CLYBL: variants seen among roughly 807,000 people sequenced by gnomAD.
CLYBL encodes citramalyl-CoA lyase, mitochondrial.
Under a neutral mutation model 38.9 loss-of-function variants are expected in CLYBL, and 31 were observed. The ratio of observed to expected loss-of-function variants is 0.80; its 90% CI spans 0.60 to 1.08. The LOEUF is 1.08. Among genes scored for constraint, CLYBL ranks in the 50% least tolerant of loss-of-function variants. The pLI, the probability that CLYBL is intolerant of heterozygous loss-of-function variation, is 0.00. For synonymous variants in CLYBL, 171 were observed against 158.6 expected, an observed-to-expected ratio of 1.08 and a Z score of -0.59; for missense variants, 434 against 411.6, an observed-to-expected ratio of 1.05 and a Z score of -0.47.
intron 1 of CLYBL, among the ~76,000 whole-genome samples, chr13:99,766,999 A>G (rs1313389620): frequency 2.0e-5 from 3 of 152,130 alleles, no homozygotes; most frequent in South Asian, 2.1e-4. Context: ...CCTCAGGGAT[A>G]TTTCTCCCTT....
At chr13:99,871,144 G>C in intron 7 of CLYBL, 82 bp downstream of exon 7, 6 of 1,493,414 alleles carry the variant, frequency 4.0e-6, no homozygotes, top group Non-Finnish European at 5.6e-6. Context: ...TTGTGTGAAT[G>C]GTTTAAGAAA....
chr13:99,685,671 C>T (rs577882786), intron 1 of CLYBL, among the ~76,000 whole-genome samples: 2 of 152,206 alleles, frequency 1.3e-5, no homozygotes, highest in East Asian at 3.9e-4. Flanking sequence ...CTCTCAAGAA[C>T]CTCTTAGAGG....
intron 1 of CLYBL, among the ~76,000 whole-genome samples, chr13:99,732,332 C>A (rs567428902): frequency 6.6e-6 from 1 of 152,022 alleles, no homozygotes; most frequent in Admixed American, 6.5e-5. Flanking sequence ...TAGCTGGGAC[C>A]ACAGGCACAT....
chr13:99,806,190 A>G (rs934594585), intron 2 of CLYBL, among the ~76,000 whole-genome samples: 1 of 152,202 alleles, frequency 6.6e-6, no homozygotes, highest in Non-Finnish European at 1.5e-5. Flanking sequence ...GAATTTTGTT[A>G]TACACTGCTG....
At chr13:99,724,268 A>T (rs2048435911) in intron 1 of CLYBL, among the ~76,000 whole-genome samples, 1 of 152,182 alleles carries the variant, frequency 6.6e-6, no homozygotes, top group African/African-American at 2.4e-5. Flanking sequence ...AGAAGTCAAT[A>T]AAAATACTAC....
In CLYBL at chr13:99,778,845, T is replaced by A. The variant is rs774440857; in HGVS notation, c.249+5835T>A. Among the ~76,000 whole-genome samples, 91 of 152,330 alleles carry A rather than the reference T, an allele frequency of 6.0e-4. 1 individual carries two copies. The Middle Eastern group carries it at 0.01, about 17-fold the overall frequency. ...AGTAGGCACTGAGGAGGAAGAGGCA[T>A]GATTCCATAGCTGCCATTTCAGTTG... On this transcript the variant is annotated intron_variant, in intron 2 of 8. Transcript: ENST00000339105.
intron 1 of CLYBL, among the ~76,000 whole-genome samples, chr13:99,721,400 GT>G (rs1486474955): frequency 4.0e-5 from 6 of 150,720 alleles, no homozygotes; most frequent in African/African-American, 1.5e-4. Flanking sequence ...CAGTGACTCT[GT>G]TTTTTTCCTT....
At chr13:99,884,231 G>C (rs1408888209) in intron 7 of CLYBL, among the ~76,000 whole-genome samples, 1 of 152,158 alleles carries the variant, frequency 6.6e-6, no homozygotes, top group Non-Finnish European at 1.5e-5. Flanking sequence ...AATATTACCA[G>C]ATCAGGGGCA....
chr13:99,771,830 G>A (rs9554636), intron 1 of CLYBL, among the ~76,000 whole-genome samples: 31,236 of 152,134 alleles, frequency 0.21, 3,931 homozygotes, highest in East Asian at 0.38. Context: ...ATTTCAAGTA[G>A]CTAAAATATC....
intron 1 of CLYBL, among the ~76,000 whole-genome samples, chr13:99,730,807 G>T (rs7320176): frequency 0.045 from 6,887 of 152,224 alleles, 207 homozygotes; most frequent in Middle Eastern, 0.12. Flanking sequence ...CTTGGGCCAG[G>T]CACGGTGGCT....
intron 1 of CLYBL, among the ~76,000 whole-genome samples, chr13:99,639,304 C>A (rs2047063043): frequency 6.6e-6 from 1 of 152,146 alleles, no homozygotes; most frequent in Non-Finnish European, 1.5e-5. Flanking sequence ...GTCATTAATG[C>A]CCACACAATG....
intron 8 of CLYBL, among the ~76,000 whole-genome samples, chr13:99,904,923 G>A (rs1029767563): frequency 2.0e-5 from 3 of 152,178 alleles, no homozygotes; most frequent in Admixed American, 1.3e-4. Flanking sequence ...GGAGCTCAGC[G>A]GGCTTTGAGC....
At chr13:99,798,853 A>C (rs1318986965) in intron 2 of CLYBL, among the ~76,000 whole-genome samples, 1 of 152,244 alleles carries the variant, frequency 6.6e-6, no homozygotes, top group Non-Finnish European at 1.5e-5. Flanking sequence ...AGATTTTTAT[A>C]GCTGCTGTAG....
At chr13:99,842,695 C>T (rs766001068) in intron 2 of CLYBL, among the ~76,000 whole-genome samples, 9 of 140,540 alleles carry the variant, frequency 6.4e-5, no homozygotes, top group Non-Finnish European at 1.1e-4. Flanking sequence ...GAGTTTAAAT[C>T]TGTACAGCCC....
intron 2 of CLYBL, among the ~76,000 whole-genome samples, chr13:99,812,196 A>G (rs1164894410): frequency 6.6e-6 from 1 of 152,198 alleles, no homozygotes; most frequent in Non-Finnish European, 1.5e-5. Context: ...TAACCATTTT[A>G]AAGTCCAAAA....
At chr13:99,742,067 G>A (rs1299130421) in intron 1 of CLYBL, among the ~76,000 whole-genome samples, 1 of 152,164 alleles carries the variant, frequency 6.6e-6, no homozygotes, top group Non-Finnish European at 1.5e-5. Flanking sequence ...ATGTTCACTT[G>A]CAATGAGACC....
At chr13:99,632,750 A>C (rs1230355265) in intron 1 of CLYBL, among the ~76,000 whole-genome samples, 1 of 144,306 alleles carries the variant, frequency 6.9e-6, no homozygotes, top group African/African-American at 2.4e-5. Context: ...TCTCAAAAAA[A>C]ACAAAACAAA....
chr13:99,731,206 A>G (rs1396949957), intron 1 of CLYBL, among the ~76,000 whole-genome samples: 2 of 152,038 alleles, frequency 1.3e-5, no homozygotes, highest in Non-Finnish European at 2.9e-5. Flanking sequence ...AAAAATAAAC[A>G]TGGACAGAAA....
chr13:99,854,249 C>T (rs538119273), intron 2 of CLYBL, among the ~76,000 whole-genome samples: 26 of 152,060 alleles, frequency 1.7e-4, no homozygotes, highest in Middle Eastern at 3.4e-3. Context: ...AGGTTTGAGT[C>T]GGGGGCTGGG....
Sources: allele counts gnomAD v4.1 joint callset (sites outside exome capture counted in the v4.1 genomes callset), GRCh38; gene constraint gnomAD v4.1.1; transcripts MANE v1.5; gene names NCBI Gene and HGNC (gene_info 2026-07-23, HGNC 2026-07-21).